The following C1R variants were observed in gnomAD, a reference collection of about 807,000 sequenced individuals.
The protein encoded by C1R is complement C1r.
In C1R, 15 loss-of-function variants were observed where a neutral mutation model predicts 27.6. The observed-to-expected ratio is 0.54, with a 90% CI of 0.36 to 0.84. The LOEUF is 0.84. Ranked by LOEUF, C1R falls within the 40% of genes least tolerant of loss-of-function variation. C1R has a pLI of 0.01. For missense variants in C1R, 544 were observed against 577.9 expected (o/e 0.94, Z 0.60); for synonymous variants, 253 against 228.8 (o/e 1.11, Z -0.95).
At chr12:7,092,256 G>A (rs750529059) in intron 1 of C1R, 131 bp downstream of exon 1, 25 of 743,138 alleles carry the variant, frequency 3.4e-5, no homozygotes, top group African/African-American at 6.9e-5. Flanking sequence ...GTGTGTCCAC[G>A]CGTGTGCACA....
intron 8 of C1R, 72 bp downstream of exon 8, chr12:7,086,307 T>G: frequency 2.5e-6 from 1 of 398,282 alleles, no homozygotes; most frequent in Non-Finnish European, 4.4e-6. Context: ...GACCCCTCTT[T>G]CTTTCTTGGC....
At chr12:7,089,069 G>A (rs759203421) in intron 5 of C1R, 83 bp from the exon 6 acceptor site, 6 of 644,546 alleles carry the variant, frequency 9.3e-6, no homozygotes, top group Non-Finnish European at 1.7e-5. Context: ...TGGCCAGGGT[G>A]GTGGTGGTGG....
intron 9 of C1R, among the ~76,000 whole-genome samples, chr12:7,082,914 G>T (rs1938089462): frequency 1.3e-5 from 2 of 152,070 alleles, no homozygotes; most frequent in African/African-American, 2.4e-5. Flanking sequence ...TTTGCACAGG[G>T]TCACATAACT....
In C1R at chr12:7,089,652, A is replaced by G. The variant is rs1033519837; in HGVS notation, c.506T>C (p.Val169Ala). The G allele has an allele frequency of 3.8e-6, 3 of 780,802 alleles. No individual in the cohort carries two copies. Among genetic ancestry groups the G allele is most frequent in the East Asian group, 2.4e-5 (1 of 41,266 alleles). 48.4% of individuals were successfully genotyped at this position (780,802 alleles called of 1,614,324 possible). A position where few individuals can be genotyped will look rare whatever the true frequency, so the allele number is the denominator to read the frequency against. ...ACGGCAGGAACAGAAGTAGCCTCCAACGTAGTTGTGACACAGGTGCTGGCA... is the reference window on the plus strand; with the variant it reads ...ACGGCAGGAACAGAAGTAGCCTCCAGCGTAGTTGTGACACAGGTGCTGGCA... Reference protein sequence around the residue: ...PQCQHLCHNYVGGYFCSCRPG... With the variant: ...PQCQHLCHNYAGGYFCSCRPG... Residue 169 changes from valine (V) to alanine (A), a missense_variant, in exon 4 of 11, where the codon GTT becomes GCT. Around this residue, in one of 2 missense-constraint regions of C1R, gnomAD observed 291 missense variants for 209.0 expected, o/e 1.39. Coordinates refer to ENST00000647956, the MANE Select transcript of C1R (RefSeq NM_001733.7).
In C1R at chr12:7,081,281, G is replaced by T; in HGVS notation, c.1369C>A (p.Pro457Thr). 9 of 1,610,932 alleles carry T rather than the reference G, an allele frequency of 5.6e-6. No homozygotes were observed. The highest frequency in any genetic ancestry group is 7.6e-6 in the Non-Finnish European group (9 of 1,178,572). ...ATGATGCGCTGCCTCTGTTCCACGGGGTTCACGGGCTTCCCACACACTGAG... is the reference window on the plus strand; with the variant it reads ...ATGATGCGCTGCCTCTGTTCCACGGTGTTCACGGGCTTCCCACACACTGAG... Reference protein sequence around the residue: ...CLPVCGKPVNPVEQRQRIIGG... With the variant: ...CLPVCGKPVNTVEQRQRIIGG... Residue 457 changes from proline (P) to threonine (T), a missense_variant, in exon 11 of 11, where the codon CCC becomes ACC. Coordinates refer to ENST00000647956, the MANE Select transcript of C1R (RefSeq NM_001733.7).
chr12:7,085,245 T>C (rs1938132275), intron 9 of C1R, among the ~76,000 whole-genome samples: 1 of 150,842 alleles, frequency 6.6e-6, no homozygotes, highest in Admixed American at 6.6e-5. Flanking sequence ...GTGGTGTTGG[T>C]AATGGTGGTG....
rs138032075 is a variant in C1R, at chr12:7,088,368, C to T, written c.1038+242G>A. 5.9e-4 allele frequency: 407 copies of T among 692,898 alleles called. 3 individuals are homozygous for T. The African/African-American group carries it at 6.5e-3, about 11-fold the overall frequency. The allele number at this position is 692,898 out of a possible 1,614,324, so 42.9% of individuals were successfully genotyped here. A position where few individuals can be genotyped will look rare whatever the true frequency, so the allele number is the denominator to read the frequency against. On this transcript the variant is annotated intron_variant, in intron 7 of 10. Transcript: ENST00000647956. ...AGAGACAGAGTCTTGCTATATTGCT[C>T]AGGCTGGAGTGCAGTGGCTATTCAC...
chr12:7,092,421 C>A lies in C1R; in HGVS notation c.-33G>T, dbSNP rs1418128154. On this transcript the variant is annotated 5_prime_UTR_variant, in exon 1 of 11. Transcript: ENST00000647956. ...GGCCCGTGTTGAATCCTGGGCTCTCCCGACAGCGTCTTCGTGCACTGTGTG... is the reference window on the plus strand; with the variant it reads ...GGCCCGTGTTGAATCCTGGGCTCTCACGACAGCGTCTTCGTGCACTGTGTG... 1 of 780,686 alleles carries A rather than the reference C, an allele frequency of 1.3e-6. No individual in the cohort carries two copies. Among genetic ancestry groups the A allele is most frequent in the East Asian group, 2.4e-5 (1 of 41,244 alleles). The allele number at this position is 780,686 out of a possible 1,614,324, so 48.4% of individuals were successfully genotyped here.
chr12:7,089,910 G>A (rs1938234240), intron 3 of C1R, 146 bp downstream of exon 3: 2 of 703,568 alleles, frequency 2.8e-6, no homozygotes, highest in South Asian at 3.0e-5. Flanking sequence ...AGCCCAGGTT[G>A]ACAGGCCTCG....
In C1R at chr12:7,088,881, A is replaced by G. The variant is rs1938200936; in HGVS notation, c.874T>C (p.Ser292Pro). The part of the protein sequence containing the change: ...AVDLLFFTDE[S>P]GDSRGWKLRY... ...AGCTTCCAGCCCCGGCTGTCCCCCG[A>G]CTCATCTGTGAAGAACAGCAGATCC... The change falls in exon 6 of 11, where the codon TCG becomes CCG. Residue 292 changes from serine to proline, a missense_variant. Physicochemically the swap from Ser to Pro is moderately conservative, Grantham distance 74 (BLOSUM62 -1). This residue lies in a region of C1R where 291 missense variants were observed against 209.0 expected (regional missense o/e 1.39). Transcript: ENST00000647956. The G allele has an allele frequency of 1.3e-6, 1 of 773,322 alleles. No individual in the cohort carries two copies. Among genetic ancestry groups the G allele is most frequent in the Admixed American group, 1.7e-5 (1 of 58,102 alleles). The allele number at this position is 773,322 out of a possible 1,614,324, so 47.9% of individuals were successfully genotyped here.
Position 7,091,484 on chromosome 12 carries a change from G to A in C1R, c.199C>T (p.Pro67Ser), listed in dbSNP as rs1383964137. 2.6e-6 allele frequency: 2 copies of A among 775,580 alleles called. No individual in the cohort carries two copies. The highest frequency in any genetic ancestry group is 1.4e-5 in the South Asian group (1 of 73,456). 48.0% of individuals were successfully genotyped at this position (775,580 alleles called of 1,614,324 possible). The change falls in exon 2 of 11, where the codon CCT becomes TCT. Residue 67 changes from proline to serine, a missense_variant. Physicochemically the swap from Pro to Ser is moderately conservative, Grantham distance 74. Around this residue, in one of 2 missense-constraint regions of C1R, gnomAD observed 291 missense variants for 209.0 expected, o/e 1.39. Coordinates refer to ENST00000647956, the MANE Select transcript of C1R (RefSeq NM_001733.7). The surrounding 1 kb of genome is among the most constrained non-coding windows in gnomAD (Gnocchi z 5.1). ...TAATCATAGAAGCAGCCTTCAGAAG[G>A]CTCCAGGTCAAACTGCTGGAAGACG... ...KLVFQQFDLE[P>S]SEGCFYDYVK...
At position 7,088,829 on chromosome 12, in the gene C1R, G is replaced by A; in HGVS notation, c.916+10C>T. ...GCTGGCCATCGAGGGAGGCCTGCAG[G>A]GAGCCTTACTCTCGGTGGTGTAGCG... On this transcript the variant is annotated intron_variant, in intron 6 of 10. Coordinates refer to ENST00000647956, the MANE Select transcript of C1R (RefSeq NM_001733.7). The A allele has an allele frequency of 1.3e-6, 1 of 772,278 alleles. No individual in the cohort carries two copies. Among genetic ancestry groups the A allele is most frequent in the Non-Finnish European group, 2.4e-6 (1 of 413,728 alleles). 47.8% of individuals were successfully genotyped at this position (772,278 alleles called of 1,614,324 possible). A position where few individuals can be genotyped will look rare whatever the true frequency, so the allele number is the denominator to read the frequency against.
intron 2 of C1R, 143 bp from the exon 3 acceptor site, chr12:7,090,391 C>G: frequency 3.3e-6 from 2 of 605,386 alleles, no homozygotes; most frequent in Non-Finnish European, 5.9e-6. Flanking sequence ...CTGGGCTCAG[C>G]TGCTGCAAAC....
At position 7,091,935 on chromosome 12, in the gene C1R, C is replaced by G. The variant is rs1938287363; in HGVS notation, c.3-255G>C. The G allele has an allele frequency of 1.5e-5, 10 of 651,876 alleles. No homozygotes were observed. In the Admixed American group the frequency reaches 2.1e-4, roughly 14 times the overall value. The allele number at this position is 651,876 out of a possible 1,614,324, so 40.4% of individuals were successfully genotyped here. On this transcript the variant is annotated intron_variant, in intron 1 of 10. Transcript: ENST00000647956. This position sits in a 1 kb window ranked among gnomAD's most constrained non-coding sequence, Gnocchi z 5.1. The stretch of plus-strand genomic sequence containing the variant: ...CACTCCCCTCACACTCCCTTTCCAG[C>G]CTCCTCCCCTGCCCGGACGCGTCCC...
At chr12:7,083,261 G>A (rs1204241938) in intron 9 of C1R, among the ~76,000 whole-genome samples, 1 of 125,980 alleles carries the variant, frequency 7.9e-6, no homozygotes, top group Non-Finnish European at 1.7e-5. Flanking sequence ...GGTGGTAGTG[G>A]TGATGGTAGT....
In C1R at chr12:7,082,349, T is replaced by G. The variant is rs765512314; in HGVS notation, c.1274-243A>C. 2.0e-3 allele frequency among the ~76,000 whole-genome samples: 305 copies of G among 152,246 alleles called. 1 individual carries two copies. Among genetic ancestry groups the G allele is most frequent in the African/African-American group, 6.6e-3 (275 of 41,552 alleles). On this transcript the variant is annotated intron_variant, in intron 9 of 10. Transcript: ENST00000647956. ...CAGAATGCTTAACTATTTTTTTTTTTGGGACGGAGTCTCACTCTGTTGCCC... is the reference window on the plus strand; with the variant it reads ...CAGAATGCTTAACTATTTTTTTTTTGGGGACGGAGTCTCACTCTGTTGCCC...
At position 7,092,435 on chromosome 12, in the gene C1R, G is replaced by C. The variant is rs773275108; in HGVS notation, c.-47C>G. 1 of 780,590 alleles carries C rather than the reference G, an allele frequency of 1.3e-6. No individual in the cohort carries two copies. The highest frequency in any genetic ancestry group is 1.7e-5 in the Admixed American group (1 of 59,012). The allele number at this position is 780,590 out of a possible 1,614,324, so 48.4% of individuals were successfully genotyped here. On this transcript the variant is annotated 5_prime_UTR_variant, in exon 1 of 11. Transcript: ENST00000647956. ...CCTGGGCTCTCCCGACAGCGTCTTC[G>C]TGCACTGTGTGCAGAGGGAGCCCGC... is the stretch of plus-strand genomic sequence containing the variant.
intron 9 of C1R, among the ~76,000 whole-genome samples, 153 bp from the exon 10 acceptor site, chr12:7,082,259 G>A (rs1938078041): frequency 6.6e-6 from 1 of 152,196 alleles, no homozygotes; most frequent in Non-Finnish European, 1.5e-5. Flanking sequence ...AACTCTAGAA[G>A]GAAAGAATGT....
intron 2 of C1R, among the ~76,000 whole-genome samples, chr12:7,090,789 C>T (rs756374311): frequency 2.2e-4 from 33 of 152,180 alleles, no homozygotes; most frequent in Non-Finnish European, 7.4e-5. Context: ...CTCAACCTCT[C>T]CTTGACTCTG....
Sources: allele counts gnomAD v4.1 joint callset (sites outside exome capture counted in the v4.1 genomes callset), GRCh38; gene constraint gnomAD v4.1.1; regional missense constraint gnomAD v4.1.1; non-coding constraint Gnocchi (gnomAD v3.1); transcripts MANE v1.5; gene names NCBI Gene and HGNC (gene_info 2026-07-23, HGNC 2026-07-21).